Variants in SPTBN5 observed in about 807,000 individuals in gnomAD.
SPTBN5 encodes the protein spectrin beta chain, non-erythrocytic 5.
In SPTBN5, 513 loss-of-function variants were observed where a neutral mutation model predicts 477.6. The ratio of observed to expected loss-of-function variants is 1.07; its 90% CI spans 1.00 to 1.16. The LOEUF is 1.16. SPTBN5 is among the 50% of genes most tolerant of loss of function. The probability of loss-of-function intolerance (pLI) is 0.00; values close to 1 mark genes in which losing one functional copy is unlikely to be tolerated. For missense variants in SPTBN5, 5,062 were observed against 4,731.8 expected, an observed-to-expected ratio of 1.07 and a Z score of -2.05; for synonymous variants, 2,169 against 2,011.7, an observed-to-expected ratio of 1.08 and a Z score of -2.09.
At chr15:41,858,572 C>G in intron 49 of SPTBN5, 30 bp downstream of exon 49, 1 of 1,601,284 alleles carries the variant, frequency 6.2e-7, no homozygotes, top group Non-Finnish European at 8.5e-7. Context: ...GGAGAGCTGT[C>G]CCACCACCCT....
chr15:41,878,318 C>T (rs766114594), intron 17 of SPTBN5, 24 bp downstream of exon 17: 10 of 1,607,250 alleles, frequency 6.2e-6, no homozygotes, highest in East Asian at 2.2e-5. Context: ...CCAAAGTGCA[C>T]CCCTTCTGCC....
chr15:41,881,655 G>A (rs1392089553), intron 12 of SPTBN5, among the ~76,000 whole-genome samples: 1 of 152,198 alleles, frequency 6.6e-6, no homozygotes, highest in Non-Finnish European at 1.5e-5. Context: ...GGACCTTCCT[G>A]GAGGAAAGTG....
At chr15:41,862,693 A>C in intron 42 of SPTBN5, 33 bp from the exon 43 acceptor site, 1 of 1,541,270 alleles carries the variant, frequency 6.5e-7, no homozygotes, top group Non-Finnish European at 8.7e-7. Flanking sequence ...AGGCTGGGGC[A>C]GGGGAGCTCT....
chr15:41,860,532 C>T, intron 47 of SPTBN5, 54 bp downstream of exon 47: 2 of 1,335,204 alleles, frequency 1.5e-6, no homozygotes, highest in Non-Finnish European at 1.9e-6. Flanking sequence ...ACCGGGATGC[C>T]AGATGCCTGT....
chr15:41,863,815 C>T lies in SPTBN5; in HGVS notation c.7038G>A (p.Trp2346Ter). The T allele has an allele frequency of 6.2e-7, 1 of 1,613,842 alleles. No homozygotes were observed. Reference protein sequence around the residue: ...CQRRSQLNNRWASFHGNLLRY... With the variant: ...CQRRSQLNNR ...GGAGCAAGTTGCCATGGAAACTCGC[C>T]CACCTGGCCAAGGGGTGGTGGTGTC... The change falls in exon 41 of 68, where the codon TGG becomes TGA. Residue 2346 changes from tryptophan (W) to a stop codon, truncating the protein, a stop_gained. Transcript: ENST00000320955. LOFTEE classifies it high-confidence loss of function.
intron 22 of SPTBN5, 27 bp from the exon 23 acceptor site, chr15:41,875,083 A>C: frequency 6.3e-7 from 1 of 1,587,252 alleles, no homozygotes; most frequent in Non-Finnish European, 8.6e-7. Context: ...GAGCTGCATT[A>C]GGTTCTCTGT....
intron 1 of SPTBN5, 56 bp from the exon 2 acceptor site, chr15:41,893,602 G>A: frequency 6.8e-7 from 1 of 1,469,808 alleles, no homozygotes. Context: ...CTCTACCAGG[G>A]GCCTGGGGTC....
At chr15:41,863,615 G>T (rs1029292532) in intron 41 of SPTBN5, 89 bp downstream of exon 41, 3 of 1,026,176 alleles carry the variant, frequency 2.9e-6, no homozygotes, top group South Asian at 1.4e-5. Flanking sequence ...GCCAGTGAGG[G>T]GGGAGACGCA....
intron 27 of SPTBN5, 126 bp downstream of exon 27, chr15:41,872,175 CT>C: frequency 1.6e-6 from 2 of 1,273,090 alleles, no homozygotes; most frequent in Non-Finnish European, 1.1e-6. Context: ...AACACACACC[CT>C]TTTCCCAATG....
chr15:41,856,763 A>G, intron 52 of SPTBN5, 90 bp downstream of exon 52: 2 of 1,399,524 alleles, frequency 1.4e-6, no homozygotes, highest in Non-Finnish European at 1.9e-6. Flanking sequence ...ACAGGCAGAG[A>G]GTTCCTGGCT....
chr15:41,851,700 G>A (rs1046422161), intron 63 of SPTBN5, 79 bp downstream of exon 63: 12 of 1,096,674 alleles, frequency 1.1e-5, no homozygotes, highest in Admixed American at 9.3e-5. Context: ...AAGGGTGCCA[G>A]GCCCAGATGG....
At chr15:41,888,337 G>A (rs1451410973) in intron 4 of SPTBN5, among the ~76,000 whole-genome samples, 2 of 152,278 alleles carry the variant, frequency 1.3e-5, no homozygotes, top group Non-Finnish European at 2.9e-5. Flanking sequence ...CAGAGGCGCT[G>A]GCTTTGTGTC....
At position 41,851,266 on chromosome 15, in the gene SPTBN5, C is replaced by T. The variant is rs759898130; in HGVS notation, c.10743+17G>A. 1.3e-6 allele frequency: 2 copies of T among 1,551,496 alleles called. No homozygotes were observed. The highest frequency in any genetic ancestry group is 1.7e-6 in the Non-Finnish European group (2 of 1,147,118). The stretch of plus-strand genomic sequence containing the variant: ...CCAGCACCCTGATGTCTGCATCTCC[C>T]CTACCCCGCCTGGTACCTCCGCTGC... On this transcript the variant is annotated intron_variant, in intron 64 of 67. Transcript: ENST00000320955.
chr15:41,859,143 C>T (rs541700556), intron 47 of SPTBN5, among the ~76,000 whole-genome samples, 163 bp from the exon 48 acceptor site: 7 of 152,224 alleles, frequency 4.6e-5, no homozygotes, highest in South Asian at 4.2e-4. Flanking sequence ...TGTTATGCGC[C>T]GGATTTTGTA....
At chr15:41,861,291 C>T in intron 46 of SPTBN5, 128 bp downstream of exon 46, 1 of 789,730 alleles carries the variant, frequency 1.3e-6, no homozygotes. Context: ...CGGATGTGGC[C>T]CAGGGTGGGG....
intron 3 of SPTBN5, among the ~76,000 whole-genome samples, chr15:41,891,589 C>A (rs1205589030): frequency 6.6e-6 from 1 of 152,200 alleles, no homozygotes; most frequent in Non-Finnish European, 1.5e-5. Context: ...ATACAGCACA[C>A]TGGAGTTTTT....
At chr15:41,892,743 G>T in intron 3 of SPTBN5, 151 bp downstream of exon 3, 2 of 863,550 alleles carry the variant, frequency 2.3e-6, no homozygotes, top group Non-Finnish European at 3.4e-6. Flanking sequence ...CGTGGCTTCT[G>T]CTCCTCTGTG....
At chr15:41,892,485 G>A (rs3784280) in intron 3 of SPTBN5, among the ~76,000 whole-genome samples, 4,220 of 152,238 alleles carry the variant, frequency 0.028, 175 homozygotes, top group East Asian at 0.2. Flanking sequence ...CCCACCTGCC[G>A]TCTTAGTCCC....
chr15:41,871,717 G>A, intron 28 of SPTBN5, 65 bp downstream of exon 28: 1 of 1,443,882 alleles, frequency 6.9e-7, no homozygotes, highest in East Asian at 2.6e-5. Context: ...CCCCGCCAGA[G>A]CCAGCTTCCC....
Sources: gnomAD v4.1 joint callset for allele counts (sites outside exome capture counted in the v4.1 genomes callset) on GRCh38, gnomAD v4.1.1 for gene constraint, MANE v1.5 for transcripts, NCBI Gene and HGNC (gene_info 2026-07-23, HGNC 2026-07-21) for gene names.